The following ECT2L variants were observed in gnomAD, a reference collection of about 807,000 sequenced individuals.
ECT2L encodes epithelial cell transforming 2 like.
A neutral mutation model predicts 122.8 loss-of-function variants in ECT2L; 126 were observed. That is an observed-to-expected ratio of 1.03 (90% CI 0.89 to 1.19). The LOEUF (loss-of-function observed/expected upper bound fraction) is 1.19. ECT2L is among the 50% of genes most tolerant of loss of function. The pLI, the probability that ECT2L is intolerant of heterozygous loss-of-function variation, is 0.00. For missense variants in ECT2L, 1,012 were observed against 1,064.1 expected, an observed-to-expected ratio of 0.95 and a Z score of 0.68; for synonymous variants, 385 against 381.8, an observed-to-expected ratio of 1.01 and a Z score of -0.10.
At chr6:138,900,017 GCC>G (rs1035195105) in intron 20 of ECT2L, among the ~76,000 whole-genome samples, 1 of 152,178 alleles carries the variant, frequency 6.6e-6, no homozygotes, top group African/African-American at 2.4e-5. Context: ...ACCAAATTTT[GCC>G]CCTTGATAAA....
intron 9 of ECT2L, 87 bp downstream of exon 9, chr6:138,849,521 G>C: frequency 4.6e-6 from 6 of 1,311,978 alleles, no homozygotes. Context: ...GACTATCTCA[G>C]TTCCAAGTTG....
chr6:138,888,903 A>C (rs1562494388), intron 19 of ECT2L, 40 bp from the exon 20 acceptor site: 1 of 1,144,598 alleles, frequency 8.7e-7, no homozygotes, highest in Middle Eastern at 2.8e-4. Flanking sequence ...TTATTTAAAA[A>C]AATTTATATG....
intron 9 of ECT2L, among the ~76,000 whole-genome samples, chr6:138,850,959 C>A (rs893376798): frequency 7.5e-6 from 1 of 132,796 alleles, no homozygotes; most frequent in Non-Finnish European, 1.5e-5. Flanking sequence ...CAAGATTGCA[C>A]CTCCAGCCTG....
In ECT2L at chr6:138,842,986, T is replaced by A. The variant is rs778147652; in HGVS notation, c.350T>A (p.Leu117Ter). ...PWKFLTEQDC[L>*]WMPKCVKFGW... ...TTCCTCTTGTTTCTGAAGGATTGCT[T>A]ATGGATGCCCAAATGCGTTAAGTTC... Residue 117 changes from leucine to a stop codon, truncating the protein, a stop_gained, in exon 6 of 22, where the codon TTA (leucine) becomes TAA (stop). Coordinates refer to ENST00000541398, the MANE Select transcript of ECT2L (RefSeq NM_001077706.3). LOFTEE classifies it high-confidence loss of function. 1 of 1,520,312 alleles carries A rather than the reference T, an allele frequency of 6.6e-7. No individual in the cohort carries two copies. The highest frequency in any genetic ancestry group is 2.3e-5 in the East Asian group (1 of 43,792). 94.2% of individuals were successfully genotyped at this position (1,520,312 alleles called of 1,614,324 possible). A position where few individuals can be genotyped will look rare whatever the true frequency, so the allele number is the denominator to read the frequency against.
chr6:138,875,019 C>T (rs62440946), intron 13 of ECT2L, among the ~76,000 whole-genome samples: 17,510 of 152,004 alleles, frequency 0.12, 1,059 homozygotes, highest in Non-Finnish European at 0.14. Context: ...CTTGGGAGGT[C>T]GAGGCTGCAG....
intron 4 of ECT2L, among the ~76,000 whole-genome samples, chr6:138,818,603 C>T (rs1029098611): frequency 1.3e-5 from 2 of 152,140 alleles, no homozygotes; most frequent in Non-Finnish European, 2.9e-5. Flanking sequence ...GACAGTAAGG[C>T]GGACGTTACT....
At chr6:138,870,643 G>A (rs531747278) in intron 13 of ECT2L, among the ~76,000 whole-genome samples, 16 of 150,384 alleles carry the variant, frequency 1.1e-4, no homozygotes, top group African/African-American at 3.9e-4. Flanking sequence ...TTTTTTTGAG[G>A]GAGGTGAAAC....
chr6:138,890,334 T>C (rs1702595791), intron 20 of ECT2L, among the ~76,000 whole-genome samples: 1 of 152,086 alleles, frequency 6.6e-6, no homozygotes, highest in South Asian at 2.1e-4. Context: ...TTTCAATGAA[T>C]ATTTCAACAA....
intron 4 of ECT2L, chr6:138,822,619 C>A: frequency 2.8e-6 from 2 of 713,170 alleles, no homozygotes; most frequent in Non-Finnish European, 4.6e-6. Context: ...ACTGGGTCAG[C>A]AAGAATAAAA....
At chr6:138,881,728 G>C (rs1778652947) in intron 15 of ECT2L, among the ~76,000 whole-genome samples, 1 of 151,940 alleles carries the variant, frequency 6.6e-6, no homozygotes, top group African/African-American at 2.4e-5. Context: ...CAAATGTGCA[G>C]TTCACCATAG....
chr6:138,887,018 T>G (rs781696798), intron 19 of ECT2L, 96 bp downstream of exon 19: 98 of 980,552 alleles, frequency 1.0e-4, no homozygotes, highest in Non-Finnish European at 1.5e-4. Flanking sequence ...GCAGCTAGTA[T>G]TTGTGGAATG....
At chr6:138,842,900 T>C (rs1037959128) in intron 5 of ECT2L, 79 bp from the exon 6 acceptor site, 16 of 1,302,480 alleles carry the variant, frequency 1.2e-5, no homozygotes, top group Non-Finnish European at 1.6e-5. Context: ...AATGAAAAAG[T>C]ATCTGTGTAC....
intron 13 of ECT2L, among the ~76,000 whole-genome samples, chr6:138,872,923 C>T (rs1438498124): frequency 1.3e-5 from 2 of 152,168 alleles, no homozygotes; most frequent in Non-Finnish European, 2.9e-5. Context: ...GTGCCACTCT[C>T]ACATGTGAAA....
intron 20 of ECT2L, among the ~76,000 whole-genome samples, chr6:138,891,794 G>T (rs925385911): frequency 5.4e-5 from 6 of 110,930 alleles, no homozygotes; most frequent in African/African-American, 1.6e-4. Flanking sequence ...CCCATATTTG[G>T]CTCAGAATAA....
intron 4 of ECT2L, among the ~76,000 whole-genome samples, chr6:138,835,327 T>C (rs1211519844): frequency 2.0e-5 from 3 of 152,126 alleles, no homozygotes; most frequent in African/African-American, 7.2e-5. Context: ...GGCAGGCGGA[T>C]CGCTTGAGCT....
chr6:138,799,006 T>G (rs1173350630), intron 1 of ECT2L, among the ~76,000 whole-genome samples: 2 of 152,198 alleles, frequency 1.3e-5, no homozygotes, highest in Non-Finnish European at 2.9e-5. Flanking sequence ...ACTTCATTTT[T>G]TTGTGTATAA....
At chr6:138,807,481 C>T (rs2128370552) in intron 1 of ECT2L, among the ~76,000 whole-genome samples, 1 of 152,286 alleles carries the variant, frequency 6.6e-6, no homozygotes, top group South Asian at 2.1e-4. Context: ...TCCACTGCTA[C>T]ATAATGCCGG....
chr6:138,891,393 T>C (rs1227765507), intron 20 of ECT2L, among the ~76,000 whole-genome samples: 1 of 152,172 alleles, frequency 6.6e-6, no homozygotes, highest in Non-Finnish European at 1.5e-5. Context: ...GCTGAGAGTA[T>C]GTTATCTTTT....
intron 4 of ECT2L, chr6:138,822,823 A>C: frequency 2.5e-6 from 4 of 1,613,698 alleles, no homozygotes; most frequent in Non-Finnish European, 3.4e-6. Context: ...GACTACAGTC[A>C]ATATGAATTG....
Sources: allele counts gnomAD v4.1 joint callset (sites outside exome capture counted in the v4.1 genomes callset), GRCh38; gene constraint gnomAD v4.1.1; transcripts MANE v1.5; gene names NCBI Gene and HGNC (gene_info 2026-07-23, HGNC 2026-07-21).